Variants in FNDC3A observed in about 807,000 individuals in gnomAD.
FNDC3A encodes fibronectin type III domain containing 3A.
FNDC3A carries 32 observed loss-of-function variants against 148.9 expected under a neutral mutation model. The observed-to-expected ratio is 0.21, with a 90% CI of 0.16 to 0.29. FNDC3A has a LOEUF of 0.29. Among genes scored for constraint, FNDC3A ranks in the 10% least tolerant of loss-of-function variants. The pLI, the probability that FNDC3A is intolerant of heterozygous loss-of-function variation, is 1.00. For synonymous variants in FNDC3A, 472 were observed against 473.6 expected (o/e 1.00, Z 0.04); for missense variants, 1,191 against 1,452.8 (o/e 0.82, Z 2.93).
intron 2 of FNDC3A, among the ~76,000 whole-genome samples, chr13:49,027,143 A>C (rs548731309): frequency 2.9e-4 from 44 of 152,222 alleles, no homozygotes; most frequent in Non-Finnish European, 5.7e-4. Context: ...ATAGTTAGCC[A>C]GTTGACACAC....
chr13:49,063,345 G>A (rs2137748323), intron 2 of FNDC3A, among the ~76,000 whole-genome samples: 1 of 151,996 alleles, frequency 6.6e-6, no homozygotes, highest in East Asian at 1.9e-4. Context: ...AAACATTTAG[G>A]TAAGTTTTTT....
chr13:49,184,651 T>C (rs1292170470), intron 14 of FNDC3A, among the ~76,000 whole-genome samples: 1 of 152,082 alleles, frequency 6.6e-6, no homozygotes, highest in Non-Finnish European at 1.5e-5. Context: ...GGGTTTATAT[T>C]GGGGAGAGAG....
chr13:49,169,394 C>CA (rs1236510826), intron 10 of FNDC3A, among the ~76,000 whole-genome samples: 3 of 152,230 alleles, frequency 2.0e-5, no homozygotes, highest in East Asian at 1.9e-4. Context: ...TAAAACCATA[C>CA]AAAAAATACT....
intron 3 of FNDC3A, among the ~76,000 whole-genome samples, chr13:49,113,102 CCTTACCCTT>C (rs1880683879): frequency 6.7e-6 from 1 of 149,292 alleles, no homozygotes; most frequent in Non-Finnish European, 1.5e-5. Context: ...TCCTCCTCCC[CCTTACCCTT>C]CTGTTTTCTC....
At chr13:49,081,929 G>C (rs1333711476) in intron 3 of FNDC3A, among the ~76,000 whole-genome samples, 2 of 148,294 alleles carry the variant, frequency 1.3e-5, no homozygotes, top group Non-Finnish European at 3.0e-5. Flanking sequence ...TCAGGATTTT[G>C]TTCTCTAGGG....
chr13:49,161,614 T>G, intron 8 of FNDC3A, among the ~76,000 whole-genome samples: 1 of 152,196 alleles, frequency 6.6e-6, no homozygotes, highest in South Asian at 2.1e-4. Context: ...CATTTAAAGT[T>G]AATATTGTTA....
intron 4 of FNDC3A, among the ~76,000 whole-genome samples, chr13:49,128,498 A>C (rs1593630245): frequency 6.6e-6 from 1 of 151,798 alleles, no homozygotes; most frequent in Non-Finnish European, 1.5e-5. Context: ...TTAATAGTGC[A>C]CCTCCCCCAC....
chr13:49,121,346 G>T (rs1881330550), intron 4 of FNDC3A, among the ~76,000 whole-genome samples: 1 of 152,186 alleles, frequency 6.6e-6, no homozygotes, highest in Non-Finnish European at 1.5e-5. Context: ...ATTTAAAGCA[G>T]TATGTAGAGG....
intron 1 of FNDC3A, among the ~76,000 whole-genome samples, chr13:48,986,589 G>T (rs777521196): frequency 3.3e-5 from 5 of 151,710 alleles, no homozygotes; most frequent in Non-Finnish European, 7.4e-5. Flanking sequence ...GTGGAAACGG[G>T]GTTTCACCAT....
intron 4 of FNDC3A, among the ~76,000 whole-genome samples, chr13:49,117,264 T>C (rs1881029935): frequency 6.6e-6 from 1 of 152,224 alleles, no homozygotes; most frequent in Non-Finnish European, 1.5e-5. Context: ...GTACACTCAA[T>C]GAAGTCTAGA....
chr13:49,079,105 T>C (rs1324996504), intron 3 of FNDC3A, among the ~76,000 whole-genome samples: 3 of 151,768 alleles, frequency 2.0e-5, no homozygotes, highest in East Asian at 3.8e-4. Context: ...AATAATTACC[T>C]TACTTTATTG....
intron 1 of FNDC3A, among the ~76,000 whole-genome samples, chr13:48,978,743 A>G (rs1392052119): frequency 1.3e-5 from 2 of 152,184 alleles, no homozygotes; most frequent in East Asian, 3.8e-4. Flanking sequence ...AAGGTTTAGA[A>G]TATGGTGCAT....
chr13:49,146,110 C>T (rs1215896313), intron 8 of FNDC3A, 175 bp downstream of exon 8: 3 of 540,934 alleles, frequency 5.5e-6, no homozygotes, highest in Non-Finnish European at 9.6e-6. Context: ...GTACACATTT[C>T]TGTCTACCTT....
At chr13:49,130,849 A>G (rs558469430) in intron 4 of FNDC3A, among the ~76,000 whole-genome samples, 29 of 152,060 alleles carry the variant, frequency 1.9e-4, no homozygotes, top group Non-Finnish European at 3.2e-4. Context: ...GCTCACTGCA[A>G]CCTCCACCTC....
chr13:49,138,037 G>A (rs914444007), intron 6 of FNDC3A, among the ~76,000 whole-genome samples: 1 of 152,146 alleles, frequency 6.6e-6, no homozygotes, highest in Non-Finnish European at 1.5e-5. Context: ...ATCAAATAGT[G>A]TAGGTAATTA....
intron 2 of FNDC3A, among the ~76,000 whole-genome samples, chr13:49,031,331 G>T (rs577647006): frequency 2.0e-5 from 3 of 150,672 alleles, no homozygotes; most frequent in Admixed American, 2.0e-4. Context: ...GCAGTGAGCC[G>T]AGATCTCACC....
chr13:49,130,350 C>T (rs1881952832), intron 4 of FNDC3A, among the ~76,000 whole-genome samples: 1 of 151,774 alleles, frequency 6.6e-6, no homozygotes, highest in South Asian at 2.1e-4. Flanking sequence ...TTAAAATTGT[C>T]CTGGTCATGG....
At chr13:49,186,470 A>G (rs1044019706) in intron 15 of FNDC3A, among the ~76,000 whole-genome samples, 8 of 152,240 alleles carry the variant, frequency 5.3e-5, no homozygotes, top group African/African-American at 1.9e-4. Context: ...CTAATGGAAA[A>G]ACAAAGATCC....
intron 13 of FNDC3A, among the ~76,000 whole-genome samples, chr13:49,177,014 T>A (rs1476781209): frequency 6.6e-6 from 1 of 152,186 alleles, no homozygotes; most frequent in African/African-American, 2.4e-5. Context: ...CCTAGGCTGG[T>A]CTCACACTCC....
Sources: allele counts gnomAD v4.1 joint callset (sites outside exome capture counted in the v4.1 genomes callset), GRCh38; gene constraint gnomAD v4.1.1; transcripts MANE v1.5; gene names NCBI Gene and HGNC (gene_info 2026-07-23, HGNC 2026-07-21).